The following NCKAP5 variants were observed in gnomAD, a reference collection of about 807,000 sequenced individuals.
The protein encoded by NCKAP5 is nck-associated protein 5.
NCKAP5 carries 92 observed loss-of-function variants against 167.0 expected under a neutral mutation model. That is an observed-to-expected ratio of 0.55 (90% confidence interval 0.47 to 0.66). The LOEUF (loss-of-function observed/expected upper bound fraction) is 0.66. Among genes scored for constraint, NCKAP5 ranks in the 30% least tolerant of loss-of-function variants. NCKAP5 has a pLI of 0.00. For missense variants in NCKAP5, 2,378 were observed against 2,315.0 expected (o/e 1.03, Z -0.56); for synonymous variants, 891 against 877.4 (o/e 1.02, Z -0.27).
At position 133,294,438 on chromosome 2, in the gene NCKAP5, G is replaced by T. The variant is rs200389761; in HGVS notation, c.143+8599C>A. ...GGGCCTGACTCTTCTCAGAGAGCAT[G>T]TCGGCTTTTTCTTCTTACCTGTATT... On this transcript the variant is annotated intron_variant, in intron 4 of 19. Transcript: ENST00000409261. 3.3e-5 allele frequency among the ~76,000 whole-genome samples: 5 copies of T among 152,318 alleles called. No individual in the cohort carries two copies. The East Asian group carries it at 9.6e-4, about 29-fold the overall frequency.
intron 19 of NCKAP5, among the ~76,000 whole-genome samples, chr2:132,700,097 T>C (rs1233477822): frequency 6.7e-6 from 1 of 150,274 alleles, no homozygotes; most frequent in African/African-American, 2.5e-5. Flanking sequence ...TGAGCATTTT[T>C]TCATGTGTCT....
intron 3 of NCKAP5, among the ~76,000 whole-genome samples, chr2:133,476,160 G>C (rs1679866256): frequency 6.6e-6 from 1 of 152,302 alleles, no homozygotes; most frequent in Admixed American, 6.5e-5. Flanking sequence ...TTTAACAGAG[G>C]TTTTGTTGAG....
At chr2:133,427,800 T>C (rs1218201560) in intron 3 of NCKAP5, among the ~76,000 whole-genome samples, 2 of 152,040 alleles carry the variant, frequency 1.3e-5, no homozygotes, top group Non-Finnish European at 2.9e-5. Context: ...TCAAGATCAC[T>C]GGAAATAAGA....
At chr2:132,739,704 AC>A (rs112993932) in intron 16 of NCKAP5, among the ~76,000 whole-genome samples, 157 of 152,262 alleles carry the variant, frequency 1.0e-3, no homozygotes, top group African/African-American at 3.3e-3. Context: ...CTCAACAACT[AC>A]CCTGCTTATT....
chr2:133,252,456 C>T (rs2088395124), intron 4 of NCKAP5, among the ~76,000 whole-genome samples: 1 of 152,196 alleles, frequency 6.6e-6, no homozygotes, highest in Admixed American at 6.5e-5. Flanking sequence ...CTCCCAACAA[C>T]ATCACAACTC....
intron 5 of NCKAP5, among the ~76,000 whole-genome samples, chr2:133,150,668 C>G (rs1405047452): frequency 3.3e-5 from 5 of 152,124 alleles, no homozygotes; most frequent in Admixed American, 2.0e-4. Flanking sequence ...ATTGGTGCAA[C>G]TGCTTTGGAA....
At chr2:133,447,911 A>C (rs1261333118) in intron 3 of NCKAP5, among the ~76,000 whole-genome samples, 2 of 152,202 alleles carry the variant, frequency 1.3e-5, no homozygotes, top group Admixed American at 1.3e-4. Context: ...AGGGTGCCAC[A>C]TGTGGTACTT....
intron 2 of NCKAP5, among the ~76,000 whole-genome samples, chr2:133,551,943 C>T (rs1212916844): frequency 7.5e-6 from 1 of 132,654 alleles, no homozygotes; most frequent in South Asian, 2.6e-4. Flanking sequence ...AGGACATGAA[C>T]AGACACTTCT....
rs542668379 is a variant in NCKAP5 at position 133,065,766 on chromosome 2, A to G, written c.341+64212T>C. 1.5e-4 allele frequency among the ~76,000 whole-genome samples: 23 copies of G among 152,336 alleles called. 1 individual carries two copies. In the South Asian group the frequency reaches 4.6e-3, roughly 30 times the overall value. ...AGTGCACTATATGGTCCCAATGACT[A>G]TGGCCACGTCACTGAGAGATCAGCC... On this transcript the variant is annotated intron_variant, in intron 6 of 19. Coordinates refer to ENST00000409261, the MANE Select transcript of NCKAP5 (RefSeq NM_207363.3).
chr2:133,592,424 T>C, the NCKAP5 span, among the ~76,000 whole-genome samples: 3 of 152,236 alleles, frequency 2.0e-5, no homozygotes, highest in Non-Finnish European at 2.9e-5. Context: ...TCTTTCTTGT[T>C]GCAATATTCA....
At chr2:132,987,650 G>T (rs2077326698) in intron 7 of NCKAP5, among the ~76,000 whole-genome samples, 1 of 152,100 alleles carries the variant, frequency 6.6e-6, no homozygotes, top group African/African-American at 2.4e-5. Flanking sequence ...AAACACAACA[G>T]CTCAGGGCTC....
chr2:133,500,704 T>A (rs1333958475), intron 3 of NCKAP5, among the ~76,000 whole-genome samples: 21 of 152,332 alleles, frequency 1.4e-4, no homozygotes, highest in African/African-American at 4.8e-4. Flanking sequence ...TAAGCAAATA[T>A]CTCATTTTTA....
chr2:132,893,800 T>G (rs1384269441), intron 8 of NCKAP5, among the ~76,000 whole-genome samples: 7 of 152,194 alleles, frequency 4.6e-5, no homozygotes, highest in African/African-American at 1.2e-4. Flanking sequence ...TGGCAGGTAC[T>G]CAATGTTTTG....
the NCKAP5 span, among the ~76,000 whole-genome samples, chr2:133,612,806 T>G: frequency 6.6e-6 from 1 of 152,230 alleles, no homozygotes; most frequent in African/African-American, 2.4e-5. Flanking sequence ...TTTGTCAACC[T>G]GACCTTTAAG....
chr2:132,778,465 T>TTATTATA (rs1682739346), intron 15 of NCKAP5, among the ~76,000 whole-genome samples: 2 of 152,096 alleles, frequency 1.3e-5, no homozygotes, highest in African/African-American at 4.8e-5. Context: ...TAATCTATTA[T>TTATTATA]TATTATATAT....
intron 6 of NCKAP5, among the ~76,000 whole-genome samples, chr2:133,106,583 T>A (rs1427843833): frequency 6.6e-6 from 1 of 152,170 alleles, no homozygotes; most frequent in Non-Finnish European, 1.5e-5. Context: ...TCTGAAAACA[T>A]GTGAAGAGTG....
chr2:133,016,813 C>T (rs938320146), intron 6 of NCKAP5, among the ~76,000 whole-genome samples: 1 of 151,942 alleles, frequency 6.6e-6, no homozygotes, highest in African/African-American at 2.4e-5. Context: ...GTCAGCTTTC[C>T]TCACTAAAAA....
At chr2:133,619,199 A>G in the NCKAP5 span, among the ~76,000 whole-genome samples, 1 of 144,734 alleles carries the variant, frequency 6.9e-6, no homozygotes, top group South Asian at 2.4e-4. Flanking sequence ...AGATATACCT[A>G]ATGCTAGATG....
intron 4 of NCKAP5, among the ~76,000 whole-genome samples, chr2:133,296,277 A>G (rs1194853770): frequency 2.6e-5 from 4 of 152,138 alleles, no homozygotes; most frequent in Non-Finnish European, 5.9e-5. Context: ...GCGCAAGAAG[A>G]CAGCTTCGAC....
Sources: allele counts gnomAD v4.1 joint callset (sites outside exome capture counted in the v4.1 genomes callset), GRCh38; gene constraint gnomAD v4.1.1; transcripts MANE v1.5; gene names NCBI Gene and HGNC (gene_info 2026-07-23, HGNC 2026-07-21).